The following ARFIP1 variants were observed in gnomAD, a reference collection of about 807,000 sequenced individuals.
ARFIP1 encodes the protein arfaptin-1.
A neutral mutation model predicts 42.5 loss-of-function variants in ARFIP1; 24 were observed. That is an observed-to-expected ratio of 0.57 (90% CI 0.41 to 0.80). The LOEUF (loss-of-function observed/expected upper bound fraction) is 0.80, where lower values mean the gene tolerates loss of function less well. ARFIP1 is among the 30% of genes least tolerant of loss of function. ARFIP1 has a pLI of 0.00. For synonymous variants in ARFIP1, 141 were observed against 153.7 expected (o/e 0.92, Z 0.61); for missense variants, 354 against 434.0 (o/e 0.82, Z 1.64).
At chr4:152,807,659 A>G (rs1729092198) in intron 1 of ARFIP1, among the ~76,000 whole-genome samples, 1 of 147,880 alleles carries the variant, frequency 6.8e-6, no homozygotes, top group Non-Finnish European at 1.5e-5. Flanking sequence ...GCTGTCAGTC[A>G]TTTGTCACAT....
chr4:152,873,243 T>C (rs1470342809), intron 5 of ARFIP1, among the ~76,000 whole-genome samples: 2 of 152,326 alleles, frequency 1.3e-5, no homozygotes, highest in Admixed American at 1.3e-4. Flanking sequence ...GTTAGAACAT[T>C]AGCCACAATT....
intron 5 of ARFIP1, among the ~76,000 whole-genome samples, chr4:152,875,675 A>G (rs56149334): frequency 0.044 from 6,597 of 150,298 alleles, 178 homozygotes; most frequent in South Asian, 0.12. Context: ...AATTGTTGCC[A>G]TAAGTTTATT....
chr4:152,869,512 C>T (rs116355671), intron 3 of ARFIP1, among the ~76,000 whole-genome samples: 2,268 of 150,552 alleles, frequency 0.015, 54 homozygotes, highest in African/African-American at 0.051. Flanking sequence ...TGCAGTGGTG[C>T]GATCTTGGCT....
rs150516006 is a variant in ARFIP1 at position 152,865,763 on chromosome 4, C to T, written c.202+2049C>T. Among the ~76,000 whole-genome samples, 400 of 152,232 alleles carry T rather than the reference C, an allele frequency of 2.6e-3. 1 individual carries two copies. Among genetic ancestry groups the T allele is most frequent in the African/African-American group, 9.1e-3 (378 of 41,534 alleles). On this transcript the variant is annotated intron_variant, in intron 3 of 8. Coordinates refer to ENST00000353617, the MANE Select transcript of ARFIP1 (RefSeq NM_001025595.3). ...ACCTAAAACTAAGAGTGCTGAAAAA[C>T]GTAAGGCTTACTTTGCATAATTTGG...
At chr4:152,790,907 A>AT (rs111844791) in intron 1 of ARFIP1, among the ~76,000 whole-genome samples, 80 of 135,590 alleles carry the variant, frequency 5.9e-4, no homozygotes, top group Middle Eastern at 3.8e-3. Flanking sequence ...TCATTTTTGT[A>AT]TTTTTTTTTT....
At chr4:152,873,831 GT>G (rs1465824632) in intron 5 of ARFIP1, among the ~76,000 whole-genome samples, 4 of 152,238 alleles carry the variant, frequency 2.6e-5, no homozygotes, top group Admixed American at 2.6e-4. Flanking sequence ...AATCCCCACT[GT>G]TTTTAGAGTG....
At chr4:152,832,447 A>G (rs1245765844) in intron 2 of ARFIP1, among the ~76,000 whole-genome samples, 6 of 151,772 alleles carry the variant, frequency 4.0e-5, no homozygotes, top group Admixed American at 1.3e-4. Flanking sequence ...TTTCTAATCT[A>G]TTTGTAGGAG....
chr4:152,890,026 A>G (rs1327592468), intron 8 of ARFIP1, among the ~76,000 whole-genome samples: 1 of 150,228 alleles, frequency 6.7e-6, no homozygotes, highest in East Asian at 1.9e-4. Flanking sequence ...TATTTAGATA[A>G]TAGACATTGT....
intron 1 of ARFIP1, among the ~76,000 whole-genome samples, chr4:152,789,412 A>C (rs374379129): frequency 6.6e-6 from 1 of 152,236 alleles, no homozygotes; most frequent in East Asian, 1.9e-4. Context: ...TATTAATATG[A>C]CAGTACCATT....
intron 2 of ARFIP1, among the ~76,000 whole-genome samples, chr4:152,860,794 T>TC (rs1733828715): frequency 6.6e-6 from 1 of 152,114 alleles, no homozygotes; most frequent in African/African-American, 2.4e-5. Flanking sequence ...AAATTGGAGA[T>TC]TTAAGATTGA....
chr4:152,785,395 G>A (rs1354182124), intron 1 of ARFIP1, among the ~76,000 whole-genome samples: 1 of 152,184 alleles, frequency 6.6e-6, no homozygotes, highest in Non-Finnish European at 1.5e-5. Flanking sequence ...ACCTAAAAAG[G>A]GATGGATCAG....
chr4:152,786,337 C>A (rs994159325), intron 1 of ARFIP1, among the ~76,000 whole-genome samples: 1 of 152,186 alleles, frequency 6.6e-6, no homozygotes, highest in Non-Finnish European at 1.5e-5. Context: ...TTCCCCTTCC[C>A]TCCCTACAAA....
chr4:152,861,658 A>G (rs1008538866), intron 2 of ARFIP1, among the ~76,000 whole-genome samples: 3 of 152,316 alleles, frequency 2.0e-5, no homozygotes, highest in South Asian at 2.1e-4. Context: ...CAGAGTAGAT[A>G]TAATTGTTTA....
intron 1 of ARFIP1, among the ~76,000 whole-genome samples, chr4:152,799,684 G>A (rs1041247770): frequency 3.3e-5 from 5 of 152,306 alleles, no homozygotes; most frequent in African/African-American, 4.8e-5. Flanking sequence ...TATACGGTAC[G>A]TATCTTAGTT....
chr4:152,899,444 A>C (rs147315100), intron 8 of ARFIP1, among the ~76,000 whole-genome samples: 1 of 152,234 alleles, frequency 6.6e-6, no homozygotes, highest in Non-Finnish European at 1.5e-5. Context: ...TGTTAGGTTA[A>C]TAACGATCTC....
At chr4:152,891,395 C>G (rs1255120219) in intron 8 of ARFIP1, among the ~76,000 whole-genome samples, 1 of 152,148 alleles carries the variant, frequency 6.6e-6, no homozygotes, top group Non-Finnish European at 1.5e-5. Flanking sequence ...TAAGTATTGT[C>G]GGACTGTTCT....
intron 8 of ARFIP1, among the ~76,000 whole-genome samples, chr4:152,894,358 A>G (rs1737132030): frequency 6.6e-6 from 1 of 152,202 alleles, no homozygotes; most frequent in Non-Finnish European, 1.5e-5. Context: ...CTCAGAATTT[A>G]AAAAATAGAT....
chr4:152,876,895 C>T (rs192857777), intron 5 of ARFIP1, among the ~76,000 whole-genome samples: 87 of 152,322 alleles, frequency 5.7e-4, no homozygotes, highest in Middle Eastern at 6.8e-3. Context: ...GCCTTGGCAG[C>T]TTTCACATGA....
At position 152,910,121 on chromosome 4, in the gene ARFIP1, G is replaced by GC; in HGVS notation, c.1025dup (p.Gly343TrpfsTer7). On this transcript the variant is annotated frameshift_variant, in exon 9 of 9. Coordinates refer to ENST00000353617, the MANE Select transcript of ARFIP1 (RefSeq NM_001025595.3). LOFTEE classifies it high-confidence loss of function. Reference sequence around the variant, plus strand: ...CCACAATGCCATTGCCGCTTACTTTGCTGGGAATCAGAAGCAGCTTGAACA... The same window carrying GC: ...CCACAATGCCATTGCCGCTTACTTTGCCTGGGAATCAGAAGCAGCTTGAACA... The GC allele has an allele frequency of 1.2e-6, 2 of 1,614,116 alleles. No individual in the cohort carries two copies. Among genetic ancestry groups the GC allele is most frequent in the Non-Finnish European group, 1.7e-6 (2 of 1,180,002 alleles).
Sources: allele counts gnomAD v4.1 joint callset (sites outside exome capture counted in the v4.1 genomes callset), GRCh38; gene constraint gnomAD v4.1.1; transcripts MANE v1.5; gene names NCBI Gene and HGNC (gene_info 2026-07-23, HGNC 2026-07-21).